Variants in CCDC85A observed in about 807,000 individuals in gnomAD.
CCDC85A encodes the protein coiled-coil domain-containing protein 85A.
CCDC85A carries 38 observed loss-of-function variants against 50.2 expected under a neutral mutation model. The observed-to-expected ratio is 0.76, with a 90% confidence interval of 0.58 to 0.99. The LOEUF (loss-of-function observed/expected upper bound fraction) is 0.99, where lower values mean the gene tolerates loss of function less well. Among genes scored for constraint, CCDC85A ranks in the 50% least tolerant of loss-of-function variants. The pLI, the probability that CCDC85A is intolerant of heterozygous loss-of-function variation, is 0.00. For synonymous variants in CCDC85A, 366 were observed against 301.4 expected (o/e 1.21, Z -2.22); for missense variants, 820 against 742.0 (o/e 1.11, Z -1.22).
intron 2 of CCDC85A, among the ~76,000 whole-genome samples, chr2:56,196,584 G>T (rs1333546509): frequency 6.6e-6 from 1 of 152,126 alleles, no homozygotes; most frequent in African/African-American, 2.4e-5. Context: ...CCAGATACTA[G>T]CTGGCAGGCC....
Position 56,376,570 on chromosome 2 carries a change from T to C in CCDC85A, c.1572+635T>C, listed in dbSNP as rs899522683. On this transcript the variant is annotated intron_variant, in intron 5 of 5. Coordinates refer to ENST00000407595, the MANE Select transcript of CCDC85A (RefSeq NM_001080433.2). ...CCTAAAATTTGTCATCTATTTTCTTTACCAATAATGAGCTTTCCAATAAGT... is the reference window on the plus strand; with the variant it reads ...CCTAAAATTTGTCATCTATTTTCTTCACCAATAATGAGCTTTCCAATAAGT... Among the ~76,000 whole-genome samples the C allele has an allele frequency of 3.9e-5, 6 of 152,334 alleles. No homozygotes were observed. In the East Asian group the frequency reaches 1.2e-3, roughly 29 times the overall value.
At chr2:56,235,728 G>T (rs1329126919) in intron 2 of CCDC85A, among the ~76,000 whole-genome samples, 1 of 152,174 alleles carries the variant, frequency 6.6e-6, no homozygotes, top group Non-Finnish European at 1.5e-5. Flanking sequence ...TGGTACAAAT[G>T]AGATCTTAAA....
At position 56,184,615 on chromosome 2, in the gene CCDC85A, C is replaced by G; in HGVS notation, c.-10C>G. 7.1e-7 allele frequency: 1 copy of G among 1,417,268 alleles called. No homozygotes were observed. Among genetic ancestry groups the G allele is most frequent in the Non-Finnish European group, 9.1e-7 (1 of 1,100,628 alleles). 87.8% of individuals were successfully genotyped at this position (1,417,268 alleles called of 1,614,324 possible). A position where few individuals can be genotyped will look rare whatever the true frequency, so the allele number is the denominator to read the frequency against. On this transcript the variant is annotated 5_prime_UTR_variant, in exon 1 of 6. Transcript: ENST00000407595. ...TTCCACCCACTTGCACCTGCCACCC[C>G]GCGGATACCATGTCGAAGGCGGCCG...
intron 2 of CCDC85A, among the ~76,000 whole-genome samples, chr2:56,327,672 G>A (rs1673544453): frequency 6.6e-6 from 1 of 151,904 alleles, no homozygotes; most frequent in Non-Finnish European, 1.5e-5. Context: ...CACCCACTTA[G>A]TATGCCCCAG....
intron 2 of CCDC85A, among the ~76,000 whole-genome samples, chr2:56,234,999 A>G (rs1027247228): frequency 1.3e-5 from 2 of 152,232 alleles, no homozygotes; most frequent in African/African-American, 4.8e-5. Flanking sequence ...TACTAAAATC[A>G]GAATCTAATC....
Position 56,385,387 on chromosome 2 carries a change from G to A in CCDC85A, c.*1032G>A, listed in dbSNP as rs1013663921. The A allele has an allele frequency of 6.6e-6, 1 of 152,044 alleles. No individual in the cohort carries two copies. The highest frequency in any genetic ancestry group is 1.5e-5 in the Non-Finnish European group (1 of 67,776). 9.4% of individuals were successfully genotyped at this position (152,044 alleles called of 1,614,324 possible). ...AAAAGCTCTTGTTCAGATTGCTTGAGGTTTGAAAAAGAGGTGTGCTAGCTT... is the reference window on the plus strand; with the variant it reads ...AAAAGCTCTTGTTCAGATTGCTTGAAGTTTGAAAAAGAGGTGTGCTAGCTT... On this transcript the variant is annotated 3_prime_UTR_variant, in exon 6 of 6. Coordinates refer to ENST00000407595, the MANE Select transcript of CCDC85A (RefSeq NM_001080433.2).
At chr2:56,273,917 A>G (rs1402718239) in intron 2 of CCDC85A, among the ~76,000 whole-genome samples, 2 of 152,204 alleles carry the variant, frequency 1.3e-5, no homozygotes, top group East Asian at 3.8e-4. Context: ...AAAATGAATT[A>G]CAAACTATGC....
chr2:56,264,283 A>G (rs1670343133), intron 2 of CCDC85A, among the ~76,000 whole-genome samples: 1 of 152,146 alleles, frequency 6.6e-6, no homozygotes, highest in African/African-American at 2.4e-5. Context: ...TTGAATATCC[A>G]GCAGGTTTTC....
intron 2 of CCDC85A, among the ~76,000 whole-genome samples, chr2:56,213,854 C>T (rs1573034424): frequency 1.3e-5 from 2 of 152,044 alleles, no homozygotes; most frequent in East Asian, 1.9e-4. Context: ...ACCCGCCTCT[C>T]ATAAATATGA....
intron 2 of CCDC85A, among the ~76,000 whole-genome samples, chr2:56,324,708 G>C (rs1558641859): frequency 6.6e-6 from 1 of 151,992 alleles, no homozygotes; most frequent in Non-Finnish European, 1.5e-5. Context: ...TCAACTGCTT[G>C]TATTTTCTTT....
At chr2:56,316,500 G>A (rs1672928583) in intron 2 of CCDC85A, among the ~76,000 whole-genome samples, 1 of 152,058 alleles carries the variant, frequency 6.6e-6, no homozygotes. Context: ...AAAATTGACA[G>A]GTTATTTTTG....
At chr2:56,197,640 T>G (rs1010379711) in intron 2 of CCDC85A, among the ~76,000 whole-genome samples, 1 of 152,156 alleles carries the variant, frequency 6.6e-6, no homozygotes, top group African/African-American at 2.4e-5. Flanking sequence ...TGGGTTGGTG[T>G]GAGTGAAGGT....
intron 2 of CCDC85A, among the ~76,000 whole-genome samples, chr2:56,337,865 A>C (rs1674153612): frequency 6.6e-6 from 1 of 151,186 alleles, no homozygotes; most frequent in Non-Finnish European, 1.5e-5. Flanking sequence ...GCTCACTGCA[A>C]CCTCCGCCTC....
At chr2:56,281,356 A>G (rs1189676394) in intron 2 of CCDC85A, among the ~76,000 whole-genome samples, 1 of 152,112 alleles carries the variant, frequency 6.6e-6, no homozygotes, top group African/African-American at 2.4e-5. Context: ...GGTTCTTTCT[A>G]GTTTTTGGCT....
chr2:56,346,720 A>C (rs1307334852), intron 3 of CCDC85A, among the ~76,000 whole-genome samples: 1 of 152,260 alleles, frequency 6.6e-6, no homozygotes, highest in Admixed American at 6.5e-5. Context: ...CAAAGTTAGT[A>C]CAAATGGTAG....
intron 1 of CCDC85A, among the ~76,000 whole-genome samples, chr2:56,186,480 A>T (rs1676052892): frequency 6.6e-6 from 1 of 152,216 alleles, no homozygotes; most frequent in South Asian, 2.1e-4. Flanking sequence ...AATGGTAGTT[A>T]CTGTCATCAG....
intron 2 of CCDC85A, among the ~76,000 whole-genome samples, chr2:56,216,843 TG>T (rs1677415191): frequency 6.6e-6 from 1 of 151,824 alleles, no homozygotes; most frequent in African/African-American, 2.4e-5. Flanking sequence ...TGTTTCATTG[TG>T]TTTTTCTTTT....
At position 56,351,098 on chromosome 2, in the gene CCDC85A, C is replaced by T. The variant is rs1268363599; in HGVS notation, c.1317+8143C>T. Among the ~76,000 whole-genome samples the T allele has an allele frequency of 5.7e-4, 77 of 135,736 alleles. No homozygotes were observed. In the East Asian group the frequency reaches 8.9e-3, roughly 16 times the overall value. 89.0% of individuals were successfully genotyped at this position (135,736 alleles called of 152,430 possible). A position where few individuals can be genotyped will look rare whatever the true frequency, so the allele number is the denominator to read the frequency against. On this transcript the variant is annotated intron_variant, in intron 3 of 5. Coordinates refer to ENST00000407595, the MANE Select transcript of CCDC85A (RefSeq NM_001080433.2). Reference sequence around the variant, plus strand: ...ATTCCCACCTATGAGTGAGAATATGCGGTGTTTGGTTTTTTGTTCTTGCGA... The same window carrying T: ...ATTCCCACCTATGAGTGAGAATATGTGGTGTTTGGTTTTTTGTTCTTGCGA...
chr2:56,200,427 T>A (rs545461025), intron 2 of CCDC85A, among the ~76,000 whole-genome samples: 2 of 152,166 alleles, frequency 1.3e-5, no homozygotes, highest in African/African-American at 4.8e-5. Flanking sequence ...AAATTTGAGA[T>A]TCGATATCAA....
Sources: gnomAD v4.1 joint callset for allele counts (sites outside exome capture counted in the v4.1 genomes callset) on GRCh38, gnomAD v4.1.1 for gene constraint, MANE v1.5 for transcripts, NCBI Gene and HGNC (gene_info 2026-07-23, HGNC 2026-07-21) for gene names.